Variants in EDA observed in about 807,000 individuals in gnomAD.
The protein encoded by EDA is ectodysplasin-A.
A neutral mutation model predicts 23.6 loss-of-function variants in EDA; 2 were observed. The observed-to-expected ratio is 0.08, with a 90% confidence interval of 0.03 to 0.27. EDA has a LOEUF of 0.27. Among genes scored for constraint, EDA ranks in the 10% least tolerant of loss-of-function variants. The pLI, the probability that EDA is intolerant of heterozygous loss-of-function variation, is 1.00. For synonymous variants in EDA, 131 were observed against 132.0 expected (o/e 0.99, Z 0.05); for missense variants, 229 against 324.2 (o/e 0.71, Z 2.26).
At chrX:69,700,088 A>C (rs917584014) in intron 1 of EDA, among the ~76,000 whole-genome samples, 1 of 110,936 alleles carries the variant, frequency 9.0e-6, no homozygotes, top group Non-Finnish European at 1.9e-5. Flanking sequence ...GTGCTTTCTT[A>C]GGGGAGACCT....
At chrX:69,779,370 A>C (rs1434053962) in intron 1 of EDA, among the ~76,000 whole-genome samples, 2 of 111,866 alleles carry the variant, frequency 1.8e-5, no homozygotes, top group East Asian at 5.6e-4. Context: ...CTGCTGATAC[A>C]TGCTAGTACA....
chrX:69,808,701 A>T (rs959128329), intron 1 of EDA, among the ~76,000 whole-genome samples: 1 of 112,087 alleles, frequency 8.9e-6, no homozygotes, highest in African/African-American at 3.2e-5. Context: ...CATGAGTAGC[A>T]AGATAAGGTA....
Position 70,035,653 on chromosome X carries a change from G to C in EDA, c.*44G>C, listed in dbSNP as rs183203836. On this transcript the variant is annotated 3_prime_UTR_variant, in exon 8 of 8. Coordinates refer to ENST00000374552, the MANE Select transcript of EDA (RefSeq NM_001399.5). The stretch of plus-strand genomic sequence containing the variant: ...CTGTCCGTGCCCCTTCCCTGGGTTT[G>C]GGAGCCAGGACTCCCAGAACCTCTA... 1.7e-6 allele frequency: 2 copies of C among 1,194,863 alleles called. No homozygotes were observed. Among genetic ancestry groups the C allele is most frequent in the East Asian group, 3.0e-5 (1 of 33,514 alleles).
intron 1 of EDA, among the ~76,000 whole-genome samples, chrX:69,804,189 G>T (rs764788492): frequency 2.7e-5 from 3 of 111,026 alleles, no homozygotes; most frequent in Admixed American, 9.6e-5. Context: ...TAGTGAGATT[G>T]CTAGATCATA....
intron 1 of EDA, among the ~76,000 whole-genome samples, chrX:69,883,580 A>G (rs910667391): frequency 1.1e-4 from 12 of 111,797 alleles, no homozygotes; most frequent in African/African-American, 3.9e-4. Flanking sequence ...GTTGATGGCC[A>G]GTGACTCCCA....
intron 1 of EDA, among the ~76,000 whole-genome samples, chrX:69,922,824 C>T (rs1364167789): frequency 1.8e-5 from 2 of 111,685 alleles, no homozygotes; most frequent in Non-Finnish European, 3.8e-5. Flanking sequence ...TCACAAGAAC[C>T]TTATTGGATT....
At chrX:69,774,520 T>A (rs2014724499) in intron 1 of EDA, among the ~76,000 whole-genome samples, 1 of 112,017 alleles carries the variant, frequency 8.9e-6, no homozygotes, top group Non-Finnish European at 1.9e-5. Context: ...TATCTTTTGT[T>A]ACCTGATGTT....
intron 1 of EDA, among the ~76,000 whole-genome samples, chrX:69,861,739 T>C (rs2017390572): frequency 9.0e-6 from 1 of 111,641 alleles, no homozygotes; most frequent in African/African-American, 3.3e-5. Flanking sequence ...TCAGACAAAA[T>C]AGAACTTAAG....
At chrX:69,799,808 A>G (rs1261508532) in intron 1 of EDA, among the ~76,000 whole-genome samples, 1 of 22,882 alleles carries the variant, frequency 4.4e-5, no homozygotes, top group Non-Finnish European at 7.2e-5. Flanking sequence ...CAGTATGCAG[A>G]TTTCTCAAAA....
In EDA at chrX:70,027,606, C is replaced by T. The variant is rs182064520; in HGVS notation, c.527-251C>T. ...GGGAGGCTGAGGCAGGCAGATCACC[C>T]GAAGTCAGGAGTTTGAGACCAACCT... On this transcript the variant is annotated intron_variant, in intron 3 of 7. Transcript: ENST00000374552. 4.4e-3 allele frequency among the ~76,000 whole-genome samples: 483 copies of T among 110,623 alleles called. 2 individuals carry two copies. Among genetic ancestry groups the T allele is most frequent in the African/African-American group, 0.015 (463 of 30,385 alleles).
In EDA at chrX:70,031,041, C is replaced by A. The variant is rs147743954; in HGVS notation, c.793+521C>A. Among the ~76,000 whole-genome samples, 547 of 111,855 alleles carry A rather than the reference C, an allele frequency of 4.9e-3. 4 individuals carry two copies. Among genetic ancestry groups the A allele is most frequent in the African/African-American group, 0.017 (527 of 30,749 alleles). On this transcript the variant is annotated intron_variant, in intron 6 of 7. Transcript: ENST00000374552. The stretch of plus-strand genomic sequence containing the variant: ...AAACACTGATTTGTTGTAATCCCTG[C>A]ATTTAAAAGATGGGGAAACAGAGTC...
intron 6 of EDA, among the ~76,000 whole-genome samples, chrX:70,033,148 A>G (rs767511978): frequency 8.8e-6 from 1 of 113,002 alleles, no homozygotes; most frequent in East Asian, 2.8e-4. Flanking sequence ...AGACCCTTCC[A>G]GATGCAAGGG....
intron 1 of EDA, among the ~76,000 whole-genome samples, chrX:69,843,845 A>T (rs1309833124): frequency 9.1e-6 from 1 of 109,673 alleles, no homozygotes; most frequent in Non-Finnish European, 1.9e-5. Context: ...ACACGGTGAA[A>T]CCCCGTCTCT....
intron 2 of EDA, among the ~76,000 whole-genome samples, chrX:69,994,782 T>C (rs2019634102): frequency 8.9e-6 from 1 of 111,871 alleles, no homozygotes; most frequent in Non-Finnish European, 1.9e-5. Flanking sequence ...ATCTTAACAT[T>C]CCCTTCCACT....
intron 1 of EDA, among the ~76,000 whole-genome samples, chrX:69,928,427 T>G (rs2147673030): frequency 8.9e-6 from 1 of 111,794 alleles, no homozygotes; most frequent in Admixed American, 9.5e-5. Flanking sequence ...TTGAAGGAAT[T>G]ATTTGAGGTT....
intron 1 of EDA, among the ~76,000 whole-genome samples, chrX:69,637,124 A>G (rs1932786139): frequency 8.9e-6 from 1 of 112,075 alleles, no homozygotes; most frequent in South Asian, 3.7e-4. Context: ...ACTAAGAAGA[A>G]TATTCAATGG....
At chrX:69,914,981 T>C (rs1010645152) in intron 1 of EDA, among the ~76,000 whole-genome samples, 6 of 112,306 alleles carry the variant, frequency 5.3e-5, no homozygotes. Context: ...TCCAATGACC[T>C]TTTTGAATTA....
rs1044566171 is a variant in EDA, at chrX:69,650,554, A to G, written c.396+33850A>G. Among the ~76,000 whole-genome samples the G allele has an allele frequency of 1.3e-4, 14 of 111,964 alleles. No individual in the cohort carries two copies. In the South Asian group the frequency reaches 4.9e-3, roughly 39 times the overall value. Reference sequence around the variant, plus strand: ...TTAACAATAATTGATTGTATATTTCAAAAAGGCTAGAAGACAAGATTTGCA... The same window carrying G: ...TTAACAATAATTGATTGTATATTTCGAAAAGGCTAGAAGACAAGATTTGCA... On this transcript the variant is annotated intron_variant, in intron 1 of 7. Coordinates refer to ENST00000374552, the MANE Select transcript of EDA (RefSeq NM_001399.5).
rs1296997909 is a variant in EDA, at chrX:69,829,913, T to C, written c.397-127114T>C. On this transcript the variant is annotated intron_variant, in intron 1 of 7. Coordinates refer to ENST00000374552, the MANE Select transcript of EDA (RefSeq NM_001399.5). ...CATAAATCCCCTAAAAGCACATCTT[T>C]CTAAGCAAAACATTTTAGTTTGCAA... Among the ~76,000 whole-genome samples, 37 of 112,073 alleles carry C rather than the reference T, an allele frequency of 3.3e-4. No individual in the cohort carries two copies. In the Admixed American group the frequency reaches 3.5e-3, roughly 11 times the overall value.
Sources: gnomAD v4.1 joint callset for allele counts (sites outside exome capture counted in the v4.1 genomes callset) on GRCh38, gnomAD v4.1.1 for gene constraint, MANE v1.5 for transcripts, NCBI Gene and HGNC (gene_info 2026-07-23, HGNC 2026-07-21) for gene names.